The following HIVEP1 variants were observed in gnomAD, a reference collection of about 807,000 sequenced individuals.
HIVEP1 encodes HIVEP zinc finger 1, also known as zinc finger protein 40.
In HIVEP1, 36 loss-of-function variants were observed where a neutral mutation model predicts 180.0. That is an observed-to-expected ratio of 0.20 (90% CI 0.15 to 0.26). The LOEUF is 0.26. Among genes scored for constraint, HIVEP1 ranks in the 10% least tolerant of loss-of-function variants. The pLI is 1.00. For missense variants in HIVEP1, 3,143 were observed against 3,268.7 expected, an observed-to-expected ratio of 0.96 and a Z score of 0.94; for synonymous variants, 1,239 against 1,239.0, an observed-to-expected ratio of 1.00 and a Z score of 0.00.
chr6:12,127,071 A>T (rs958387611), intron 4 of HIVEP1, among the ~76,000 whole-genome samples: 18 of 152,102 alleles, frequency 1.2e-4, no homozygotes, highest in African/African-American at 4.1e-4. Context: ...GGTTTGGCCA[A>T]GCTGGTCTTG....
Position 12,122,899 on chromosome 6 carries a change from A to C in HIVEP1, c.3104A>C (p.Lys1035Thr), listed in dbSNP as rs769151765. The C allele has an allele frequency of 3.1e-6, 5 of 1,614,140 alleles. No individual in the cohort carries two copies. Reference protein sequence around the residue: ...TPQIRKRRKMKSVGDDEELQQ... With the variant: ...TPQIRKRRKMTSVGDDEELQQ... ...CAGATAAGAAAAAGGAGGAAAATGA[A>C]AAGTGTTGGGGATGATGAAGAACTT... is the stretch of plus-strand genomic sequence containing the variant. The change falls in exon 4 of 9, where the codon AAA (lysine) becomes ACA (threonine). Residue 1035 changes from lysine to threonine, a missense_variant. Physicochemically the swap from Lys to Thr is moderately conservative, Grantham distance 78. Coordinates refer to ENST00000379388, the MANE Select transcript of HIVEP1 (RefSeq NM_002114.4).
chr6:12,162,525 G>A (rs563942559), intron 8 of HIVEP1, among the ~76,000 whole-genome samples: 61 of 152,320 alleles, frequency 4.0e-4, no homozygotes, highest in African/African-American at 1.4e-3. Flanking sequence ...GAAAAGTCAC[G>A]CTCCATGTGC....
intron 3 of HIVEP1, among the ~76,000 whole-genome samples, chr6:12,099,445 C>T (rs1469213379): frequency 6.6e-6 from 1 of 152,090 alleles, no homozygotes. Flanking sequence ...GGATTACAGG[C>T]GTGAGCCACC....
chr6:12,028,302 C>G (rs183828098), intron 2 of HIVEP1, among the ~76,000 whole-genome samples: 3 of 152,318 alleles, frequency 2.0e-5, no homozygotes, highest in Non-Finnish European at 2.9e-5. Flanking sequence ...TTCACCACCT[C>G]TGTCCCTGTC....
chr6:12,010,429 G>A (rs558015952), upstream of HIVEP1, among the ~76,000 whole-genome samples: 231 of 152,246 alleles, frequency 1.5e-3, no homozygotes, highest in Non-Finnish European at 1.9e-3. Context: ...CCAGAGGTAC[G>A]ATTTCCTCAG....
intron 2 of HIVEP1, among the ~76,000 whole-genome samples, chr6:12,069,855 C>T (rs1771851938): frequency 1.3e-5 from 2 of 151,988 alleles, no homozygotes; most frequent in Admixed American, 1.3e-4. Flanking sequence ...AAAGCAAACA[C>T]ATCGTATAGC....
intron 2 of HIVEP1, among the ~76,000 whole-genome samples, chr6:12,019,103 A>G (rs1193246500): frequency 6.6e-6 from 1 of 152,258 alleles, no homozygotes; most frequent in Non-Finnish European, 1.5e-5. Flanking sequence ...GATTAGCTCT[A>G]GTAAGCACAC....
intron 7 of HIVEP1, among the ~76,000 whole-genome samples, chr6:12,152,975 T>C (rs1183285911): frequency 1.3e-5 from 2 of 152,258 alleles, no homozygotes; most frequent in African/African-American, 4.8e-5. Flanking sequence ...TTTAAATTAT[T>C]CATATTATTT....
intron 3 of HIVEP1, among the ~76,000 whole-genome samples, chr6:12,113,825 G>A (rs759693279): frequency 6.6e-6 from 1 of 152,160 alleles, no homozygotes; most frequent in Non-Finnish European, 1.5e-5. Context: ...TTAGTCAGAT[G>A]TGCTGCTGCC....
At chr6:12,010,158 A>G (rs1346646282), upstream of HIVEP1, among the ~76,000 whole-genome samples, 1 of 152,248 alleles carries the variant, frequency 6.6e-6, no homozygotes, top group Admixed American at 6.5e-5. Context: ...ATATCATTTC[A>G]TTTCACAAAT....
chr6:12,205,224 C>T, the HIVEP1 span, among the ~76,000 whole-genome samples: 1 of 152,176 alleles, frequency 6.6e-6, no homozygotes, highest in Non-Finnish European at 1.5e-5. Flanking sequence ...GTAATCCCAG[C>T]ACTTTGGGAG....
At chr6:12,177,642 G>A in the HIVEP1 span, among the ~76,000 whole-genome samples, 41 of 152,274 alleles carry the variant, frequency 2.7e-4, no homozygotes, top group South Asian at 7.5e-3. Flanking sequence ...GGAGACCAAC[G>A]TTAGAAATTT....
At chr6:12,020,352 A>G (rs1768102308) in intron 2 of HIVEP1, 1 of 471,034 alleles carries the variant, frequency 2.1e-6, no homozygotes, top group Admixed American at 2.3e-5. Flanking sequence ...AAGGCTTAGC[A>G]TGTTGTCCTG....
intron 7 of HIVEP1, among the ~76,000 whole-genome samples, chr6:12,157,960 T>C (rs150290643): frequency 1.8e-3 from 274 of 152,348 alleles, no homozygotes; most frequent in African/African-American, 6.3e-3. Context: ...ACCATTTTCA[T>C]TGGATTCTTT....
chr6:12,144,339 G>A (rs1759233058), intron 7 of HIVEP1, among the ~76,000 whole-genome samples: 1 of 152,158 alleles, frequency 6.6e-6, no homozygotes, highest in Non-Finnish European at 1.5e-5. Context: ...GTAGAAAGCT[G>A]AAACTGGATC....
downstream of HIVEP1, among the ~76,000 whole-genome samples, chr6:12,168,367 C>CAT (rs1760814884): frequency 2.7e-5 from 3 of 110,274 alleles, no homozygotes; most frequent in Non-Finnish European, 3.6e-5. Flanking sequence ...ATATTATATA[C>CAT]ATATACATGT....
chr6:12,087,935 A>G (rs1327134811), intron 2 of HIVEP1, among the ~76,000 whole-genome samples: 1 of 152,192 alleles, frequency 6.6e-6, no homozygotes, highest in African/African-American at 2.4e-5. Flanking sequence ...AAATTTAGTT[A>G]TTTTTGACTA....
intron 3 of HIVEP1, among the ~76,000 whole-genome samples, chr6:12,094,989 G>A (rs1773704364): frequency 6.6e-6 from 1 of 151,948 alleles, no homozygotes; most frequent in African/African-American, 2.4e-5. Flanking sequence ...TCAGTTTTAG[G>A]AAGTTGTATT....
At chr6:12,013,666 T>G (rs1043026657) in intron 1 of HIVEP1, among the ~76,000 whole-genome samples, 2 of 152,260 alleles carry the variant, frequency 1.3e-5, no homozygotes, top group Admixed American at 1.3e-4. Flanking sequence ...TAGTTAAGCA[T>G]TCATGCAATT....
Sources: gnomAD v4.1 joint callset for allele counts (sites outside exome capture counted in the v4.1 genomes callset) on GRCh38, gnomAD v4.1.1 for gene constraint, MANE v1.5 for transcripts, NCBI Gene and HGNC (gene_info 2026-07-23, HGNC 2026-07-21) for gene names.